Variants in WIPF1 observed in about 807,000 individuals in gnomAD.
WIPF1 encodes WAS/WASL interacting protein family member 1, also known as WAS/WASL-interacting protein family member 1.
In WIPF1, 13 loss-of-function variants were observed where a neutral mutation model predicts 35.4. The ratio of observed to expected loss-of-function variants is 0.37; its 90% CI spans 0.24 to 0.58. WIPF1 has a LOEUF of 0.58. Among genes scored for constraint, WIPF1 ranks in the 20% least tolerant of loss-of-function variants. WIPF1 has a pLI of 0.74. For synonymous variants in WIPF1, 267 were observed against 266.3 expected (o/e 1.00, Z -0.02); for missense variants, 591 against 667.0 (o/e 0.89, Z 1.25).
chr2:174,572,552 A>G, intron 4 of WIPF1, 106 bp from the exon 5 acceptor site: 1 of 1,399,614 alleles, frequency 7.1e-7, no homozygotes, highest in East Asian at 2.4e-5. Flanking sequence ...TCAGAGGGCT[A>G]TAAAATACAG....
At chr2:174,648,356 CATA>C (rs1687461318) in intron 1 of WIPF1, among the ~76,000 whole-genome samples, 1 of 152,180 alleles carries the variant, frequency 6.6e-6, no homozygotes, top group South Asian at 2.1e-4. Flanking sequence ...CTAAAAGCAA[CATA>C]ATATCCACCA....
intron 1 of WIPF1, among the ~76,000 whole-genome samples, chr2:174,591,147 A>T (rs913264854): frequency 1.3e-4 from 20 of 152,210 alleles, no homozygotes; most frequent in African/African-American, 4.6e-4. Context: ...TCAAGTGAAG[A>T]CGCAGTGAGA....
intron 1 of WIPF1, among the ~76,000 whole-genome samples, chr2:174,668,578 A>G (rs1687943342): frequency 6.6e-6 from 1 of 152,242 alleles, no homozygotes; most frequent in African/African-American, 2.4e-5. Flanking sequence ...CTGAAGTCTT[A>G]GGGGACATTT....
intron 1 of WIPF1, among the ~76,000 whole-genome samples, chr2:174,614,262 T>G (rs1163809780): frequency 1.3e-5 from 2 of 152,258 alleles, no homozygotes; most frequent in Non-Finnish European, 2.9e-5. Context: ...CCGAGCCACT[T>G]GTCTCCAAAT....
At chr2:174,632,197 G>GT (rs1687043313) in intron 1 of WIPF1, among the ~76,000 whole-genome samples, 2 of 152,152 alleles carry the variant, frequency 1.3e-5, no homozygotes, top group Non-Finnish European at 2.9e-5. Context: ...AACAGGATCT[G>GT]TTACCTTCTG....
At position 174,619,048 on chromosome 2, in the gene WIPF1, G is replaced by A. The variant is rs375875192; in HGVS notation, c.-38-33437C>T. On this transcript the variant is annotated intron_variant, in intron 1 of 8. Transcript: ENST00000272746. ...GAATCACTGCAACCTCAACCTCCTG[G>A]ACTCAAGTGATCCTCCTACCTCAGC... Among the ~76,000 whole-genome samples, 86 of 152,148 alleles carry A rather than the reference G, an allele frequency of 5.7e-4. 1 individual carries two copies. In the South Asian group the frequency reaches 0.015, roughly 27 times the overall value.
intron 1 of WIPF1, among the ~76,000 whole-genome samples, chr2:174,605,771 G>A (rs932499291): frequency 4.6e-5 from 7 of 152,100 alleles, no homozygotes; most frequent in African/African-American, 1.7e-4. Flanking sequence ...GAAGCTGGGT[G>A]AGGAGTACAC....
At chr2:174,583,958 T>G (rs1423524222) in intron 2 of WIPF1, among the ~76,000 whole-genome samples, 3 of 152,168 alleles carry the variant, frequency 2.0e-5, no homozygotes, top group African/African-American at 7.2e-5. Flanking sequence ...TAGCTGGGAC[T>G]ATAAGCACGC....
chr2:174,571,866 G>A lies in WIPF1; in HGVS notation c.939C>T (p.Pro313=). The change falls in exon 5 of 8, where the codon CCC becomes CCT. Residue 313 remains proline (P), a synonymous_variant. Transcript: ENST00000679041. This position sits in a 1 kb window ranked among gnomAD's most constrained non-coding sequence, Gnocchi z 4.6. Reference sequence around the variant, plus strand: ...GCAGAGGAGGCGGCCCGGGCCTGCTGGGAGGTGGCGGCGGAGGTGGGGCCT... The same window carrying A: ...GCAGAGGAGGCGGCCCGGGCCTGCTAGGAGGTGGCGGCGGAGGTGGGGCCT... ...SSQAPPPPPP[P]SRPGPPPLPP... The A allele has an allele frequency of 6.2e-7, 1 of 1,613,470 alleles. No homozygotes were observed. The highest frequency in any genetic ancestry group is 1.1e-5 in the South Asian group (1 of 91,046).
Position 174,571,399 on chromosome 2 carries a change from A to AAT in WIPF1, c.1129+276_1129+277insAT. 1.6e-6 allele frequency: 1 copy of AAT among 607,484 alleles called. No homozygotes were observed. The highest frequency in any genetic ancestry group is 2.9e-6 in the Non-Finnish European group (1 of 342,670). The allele number at this position is 607,484 out of a possible 1,614,324, so 37.6% of individuals were successfully genotyped here. ...AAGTACACTTCAGAGATGGAAGATG[A>AAT]AAGTTCTTGCCTCTTCTTTATTAAC... On this transcript the variant is annotated intron_variant, in intron 5 of 7. Coordinates refer to ENST00000679041, the MANE Select transcript of WIPF1 (RefSeq NM_001375834.1). The surrounding 1 kb of genome is among the most constrained non-coding windows in gnomAD (Gnocchi z 4.6).
At chr2:174,635,191 C>T (rs1448073453) in intron 1 of WIPF1, among the ~76,000 whole-genome samples, 4 of 152,186 alleles carry the variant, frequency 2.6e-5, no homozygotes, top group East Asian at 1.9e-4. Flanking sequence ...ATTGTTGGTT[C>T]GGAAAACAAA....
intron 4 of WIPF1, among the ~76,000 whole-genome samples, chr2:174,574,124 T>G (rs1684970932): frequency 6.6e-6 from 1 of 152,158 alleles, no homozygotes; most frequent in African/African-American, 2.4e-5. Context: ...ATTTTTGGGC[T>G]TCAGCCATCT....
chr2:174,655,219 C>A (rs1349202996), intron 1 of WIPF1, among the ~76,000 whole-genome samples: 2 of 152,174 alleles, frequency 1.3e-5, no homozygotes, highest in Non-Finnish European at 2.9e-5. Context: ...TCTCTGGAAT[C>A]CATCCCCTGA....
chr2:174,637,971 A>C (rs1322663028), intron 1 of WIPF1, among the ~76,000 whole-genome samples: 1 of 152,178 alleles, frequency 6.6e-6, no homozygotes, highest in Non-Finnish European at 1.5e-5. Flanking sequence ...TATTAATTTG[A>C]TGTTATACCT....
chr2:174,670,530 G>C (rs1248475547), intron 1 of WIPF1, among the ~76,000 whole-genome samples: 2 of 152,192 alleles, frequency 1.3e-5, no homozygotes, highest in Admixed American at 6.5e-5. Context: ...AAGTCCACAG[G>C]GGAACCATTG....
intron 1 of WIPF1, among the ~76,000 whole-genome samples, chr2:174,591,299 C>A (rs547473823): frequency 1.3e-5 from 2 of 152,252 alleles, no homozygotes; most frequent in South Asian, 4.1e-4. Context: ...TTATGGCAGT[C>A]CTAGCAAATT....
intron 1 of WIPF1, among the ~76,000 whole-genome samples, chr2:174,628,566 T>C (rs759845264): frequency 1.3e-5 from 2 of 152,230 alleles, no homozygotes; most frequent in Non-Finnish European, 2.9e-5. Context: ...AGGAATTACG[T>C]AGAGCTCACT....
At chr2:174,651,339 TA>T (rs1031029351) in intron 1 of WIPF1, among the ~76,000 whole-genome samples, 133 of 151,692 alleles carry the variant, frequency 8.8e-4, no homozygotes, top group African/African-American at 2.9e-3. Context: ...CTATCTTTTT[TA>T]AAAAAAAACA....
chr2:174,652,983 A>T (rs900656363), intron 1 of WIPF1, among the ~76,000 whole-genome samples: 37 of 152,290 alleles, frequency 2.4e-4, no homozygotes, highest in Non-Finnish European at 4.9e-4. Context: ...GAAAATAAAC[A>T]TTGAATATAT....
Sources: gnomAD v4.1 joint callset for allele counts (sites outside exome capture counted in the v4.1 genomes callset) on GRCh38, gnomAD v4.1.1 for gene constraint, Gnocchi (gnomAD v3.1) non-coding constraint, MANE v1.5 for transcripts, NCBI Gene and HGNC (gene_info 2026-07-23, HGNC 2026-07-21) for gene names.